DGAT2: variants seen among roughly 807,000 people sequenced by gnomAD.
The protein encoded by DGAT2 is diacylglycerol O-acyltransferase 2.
DGAT2 carries 33 observed loss-of-function variants against 48.4 expected under a neutral mutation model. That is an observed-to-expected ratio of 0.68 (90% CI 0.52 to 0.91). The LOEUF (loss-of-function observed/expected upper bound fraction) is 0.91. DGAT2 is among the 40% of genes least tolerant of loss of function. DGAT2 has a pLI of 0.00. For missense variants in DGAT2, 446 were observed against 493.7 expected (o/e 0.90, Z 0.92); for synonymous variants, 191 against 194.1 (o/e 0.98, Z 0.13).
At chr11:75,772,880 C>T in intron 1 of DGAT2, among the ~76,000 whole-genome samples, 1 of 152,108 alleles carries the variant, frequency 6.6e-6, no homozygotes, top group East Asian at 1.9e-4. Context: ...ATCCCAGCTA[C>T]TTGGGAGGCT....
chr11:75,791,644 C>G (rs1944991607), intron 4 of DGAT2, among the ~76,000 whole-genome samples: 1 of 152,196 alleles, frequency 6.6e-6, no homozygotes, highest in Admixed American at 6.5e-5. Context: ...CCACTGATTT[C>G]CTACTGCCTG....
chr11:75,772,542 T>C (rs931002584), intron 1 of DGAT2, among the ~76,000 whole-genome samples: 2 of 152,076 alleles, frequency 1.3e-5, no homozygotes, highest in Non-Finnish European at 2.9e-5. Flanking sequence ...CTCTCAGAGG[T>C]CTTCCCTGGC....
chr11:75,778,623 A>T (rs1348306309), intron 1 of DGAT2, among the ~76,000 whole-genome samples: 1 of 152,096 alleles, frequency 6.6e-6, no homozygotes, highest in African/African-American at 2.4e-5. Context: ...TCACGAGATC[A>T]GGAGATCGAG....
At position 75,790,026 on chromosome 11, in the gene DGAT2, G is replaced by A. The variant is rs114707749; in HGVS notation, c.251-162G>A. Among the ~76,000 whole-genome samples the A allele has an allele frequency of 3.5e-3, 536 of 152,292 alleles. 7 individuals are homozygous for A. Among genetic ancestry groups the A allele is most frequent in the African/African-American group, 0.013 (520 of 41,554 alleles). On this transcript the variant is annotated intron_variant, in intron 2 of 7. Transcript: ENST00000228027. ...TGTCCCAGGAATCTGCTCCTACCTG[G>A]GCTGAACATTCCTGTAGCTATTTCT...
intron 7 of DGAT2, among the ~76,000 whole-genome samples, chr11:75,798,930 T>G (rs1379372656): frequency 6.6e-6 from 1 of 152,216 alleles, no homozygotes; most frequent in Non-Finnish European, 1.5e-5. Flanking sequence ...AACATTAATA[T>G]GACTGCAGCA....
At position 75,787,867 on chromosome 11, in the gene DGAT2, G is replaced by C. The variant is rs115698849; in HGVS notation, c.251-2321G>C. Among the ~76,000 whole-genome samples the C allele has an allele frequency of 8.2e-3, 1,246 of 152,292 alleles. 16 individuals carry two copies. The highest frequency in any genetic ancestry group is 0.028 in the African/African-American group (1,156 of 41,556). On this transcript the variant is annotated intron_variant, in intron 2 of 7. Transcript: ENST00000228027. ...GGGATGGTGAGTGGTTTCAGAGAGG[G>C]CTGTGGACACATAGGGGAGGGGAGG...
chr11:75,787,778 C>G (rs1393647513), intron 2 of DGAT2, among the ~76,000 whole-genome samples: 2 of 152,186 alleles, frequency 1.3e-5, no homozygotes, highest in Non-Finnish European at 2.9e-5. Flanking sequence ...TTTCTGCTCC[C>G]AAGGAGCTCG....
intron 1 of DGAT2, chr11:75,776,788 T>C (rs1244686320): frequency 6.6e-6 from 1 of 152,188 alleles, no homozygotes; most frequent in Non-Finnish European, 1.5e-5. Flanking sequence ...GGACTCCCGC[T>C]GAAAGGTGTC....
At chr11:75,776,113 C>G (rs1448926060) in intron 1 of DGAT2, 1 of 152,280 alleles carries the variant, frequency 6.6e-6, no homozygotes, top group African/African-American at 2.4e-5. Context: ...CATTAACCAC[C>G]CTCCAGCTGG....
chr11:75,778,833 CAAAAA>C (rs746636359), intron 1 of DGAT2, among the ~76,000 whole-genome samples: 1 of 68,472 alleles, frequency 1.5e-5, no homozygotes, highest in Non-Finnish European at 3.3e-5. Flanking sequence ...GACTCCGTCT[CAAAAA>C]AAAAAAAAAA....
Position 75,786,784 on chromosome 11 carries a change from C to A in DGAT2, c.250+2038C>A, listed in dbSNP as rs1347448908. On this transcript the variant is annotated intron_variant, in intron 2 of 7. Transcript: ENST00000228027. The stretch of plus-strand genomic sequence containing the variant: ...CCTGGCAAGCAAAGACCGTGGTGGC[C>A]CTGTTGGTCTCTCCCTGGACCAGAG... Among the ~76,000 whole-genome samples, 3 of 152,294 alleles carry A rather than the reference C, an allele frequency of 2.0e-5. No homozygotes were observed. In the East Asian group the frequency reaches 5.8e-4, roughly 29 times the overall value.
At chr11:75,780,664 C>T (rs1186072212) in intron 1 of DGAT2, among the ~76,000 whole-genome samples, 2 of 152,186 alleles carry the variant, frequency 1.3e-5, no homozygotes, top group Non-Finnish European at 2.9e-5. Flanking sequence ...ACCACTGCCC[C>T]CTGCTTTGTT....
At chr11:75,776,513 G>A (rs1304389709) in intron 1 of DGAT2, 1 of 152,276 alleles carries the variant, frequency 6.6e-6, no homozygotes, top group Non-Finnish European at 1.5e-5. Context: ...TCAGTGCCTG[G>A]TGGATGCCTG....
At chr11:75,787,659 G>A (rs1462706712) in intron 2 of DGAT2, among the ~76,000 whole-genome samples, 1 of 152,186 alleles carries the variant, frequency 6.6e-6, no homozygotes, top group East Asian at 1.9e-4. Context: ...CTGTTGTTCA[G>A]AGGACAAGGA....
intron 4 of DGAT2, chr11:75,794,856 A>T (rs1025633156): frequency 7.2e-5 from 11 of 152,076 alleles, no homozygotes; most frequent in Non-Finnish European, 1.2e-4. Context: ...TGGATTTTTT[A>T]AATTTTCTTT....
intron 1 of DGAT2, among the ~76,000 whole-genome samples, chr11:75,780,509 CTT>C (rs1293332334): frequency 6.6e-6 from 1 of 152,188 alleles, no homozygotes; most frequent in East Asian, 1.9e-4. Flanking sequence ...GGTGAGGAGA[CTT>C]AGCATGGGAG....
At chr11:75,775,069 G>A (rs1205189531) in intron 1 of DGAT2, among the ~76,000 whole-genome samples, 1 of 152,230 alleles carries the variant, frequency 6.6e-6, no homozygotes, top group Non-Finnish European at 1.5e-5. Flanking sequence ...CAGGTGTATG[G>A]AGTAGCCCGA....
At chr11:75,790,051 T>C in intron 2 of DGAT2, 137 bp from the exon 3 acceptor site, 1 of 688,600 alleles carries the variant, frequency 1.5e-6, no homozygotes. Context: ...TAGCTATTTC[T>C]CAGGGTTTGT....
At chr11:75,777,693 C>T (rs1466638941) in intron 1 of DGAT2, among the ~76,000 whole-genome samples, 1 of 152,110 alleles carries the variant, frequency 6.6e-6, no homozygotes, top group Non-Finnish European at 1.5e-5. Flanking sequence ...TGGCATGTCC[C>T]CTGCCAGATG....
Sources: allele counts gnomAD v4.1 joint callset (sites outside exome capture counted in the v4.1 genomes callset), GRCh38; gene constraint gnomAD v4.1.1; transcripts MANE v1.5; gene names NCBI Gene and HGNC (gene_info 2026-07-23, HGNC 2026-07-21).